Variants in FSHR observed in about 807,000 individuals in gnomAD.
FSHR encodes the protein follicle-stimulating hormone receptor.
FSHR carries 46 observed loss-of-function variants against 52.1 expected under a neutral mutation model. The ratio of observed to expected loss-of-function variants is 0.88; its 90% confidence interval spans 0.70 to 1.13. FSHR has a LOEUF of 1.13. FSHR is among the 50% of genes most tolerant of loss of function. The probability of loss-of-function intolerance (pLI) is 0.00; values close to 1 mark genes in which losing one functional copy is unlikely to be tolerated. For synonymous variants in FSHR, 399 were observed against 309.6 expected (o/e 1.29, Z -3.03); for missense variants, 964 against 834.6 (o/e 1.16, Z -1.91).
chr2:49,079,242 A>G (rs1670071883), intron 1 of FSHR, among the ~76,000 whole-genome samples: 1 of 152,204 alleles, frequency 6.6e-6, no homozygotes, highest in South Asian at 2.1e-4. Flanking sequence ...AACCCTAAAC[A>G]AACAGAAATA....
At chr2:49,121,028 A>AT (rs1236831178) in intron 1 of FSHR, among the ~76,000 whole-genome samples, 1 of 152,252 alleles carries the variant, frequency 6.6e-6, no homozygotes, top group Admixed American at 6.5e-5. Flanking sequence ...GCAAGTGATG[A>AT]TAAACCAAAT....
intron 2 of FSHR, among the ~76,000 whole-genome samples, chr2:49,050,119 A>C (rs1332125916): frequency 6.6e-6 from 1 of 152,146 alleles, no homozygotes; most frequent in Non-Finnish European, 1.5e-5. Context: ...ATTTATGGAG[A>C]ATAGGAAATG....
intron 2 of FSHR, among the ~76,000 whole-genome samples, chr2:49,029,968 A>T (rs1428650098): frequency 1.3e-5 from 2 of 152,180 alleles, no homozygotes; most frequent in Non-Finnish European, 2.9e-5. Context: ...TTCATTTTTA[A>T]AAAGCTAGGG....
In FSHR at chr2:49,096,323, T is replaced by G. The variant is rs528546583; in HGVS notation, c.153-28033A>C. On this transcript the variant is annotated intron_variant, in intron 1 of 9. Transcript: ENST00000406846. ...ATAAATGATATAACATAGATGAAACTTGAAGACATTATGCTAAGTGAAAAA... is the reference window on the plus strand; with the variant it reads ...ATAAATGATATAACATAGATGAAACGTGAAGACATTATGCTAAGTGAAAAA... Among the ~76,000 whole-genome samples the G allele has an allele frequency of 7.9e-5, 12 of 152,336 alleles. No homozygotes were observed. In the South Asian group the frequency reaches 1.4e-3, roughly 18 times the overall value.
intron 2 of FSHR, among the ~76,000 whole-genome samples, chr2:49,040,181 T>C (rs1313639213): frequency 6.6e-6 from 1 of 152,212 alleles, no homozygotes; most frequent in Non-Finnish European, 1.5e-5. Context: ...ACTTTGTTTT[T>C]CCTATTCAAT....
chr2:49,090,950 A>G (rs929170557), intron 1 of FSHR, among the ~76,000 whole-genome samples: 1 of 152,022 alleles, frequency 6.6e-6, no homozygotes, highest in African/African-American at 2.4e-5. Context: ...CCATGATTAA[A>G]AAAATTTTTT....
intron 4 of FSHR, among the ~76,000 whole-genome samples, chr2:49,013,300 T>C (rs1667344786): frequency 6.6e-6 from 1 of 151,676 alleles, no homozygotes; most frequent in African/African-American, 2.4e-5. Context: ...TATTTTGTTA[T>C]GGTAGCCCAA....
chr2:49,118,254 G>A (rs368313744), intron 1 of FSHR, among the ~76,000 whole-genome samples: 1 of 152,240 alleles, frequency 6.6e-6, no homozygotes, highest in Non-Finnish European at 1.5e-5. Flanking sequence ...AGCAAGGAGG[G>A]GGAGGGAGCA....
intron 9 of FSHR, among the ~76,000 whole-genome samples, chr2:48,965,856 A>G (rs1275001329): frequency 6.6e-6 from 1 of 152,252 alleles, no homozygotes; most frequent in Non-Finnish European, 1.5e-5. Context: ...AGTGGAAACC[A>G]AAGGACATCA....
At chr2:49,021,668 A>G (rs970893798) in intron 2 of FSHR, among the ~76,000 whole-genome samples, 3 of 151,564 alleles carry the variant, frequency 2.0e-5, no homozygotes, top group Admixed American at 2.0e-4. Flanking sequence ...TGGCTTGTTA[A>G]CCCAGTGGTG....
At chr2:49,065,017 C>T (rs72822003) in intron 2 of FSHR, among the ~76,000 whole-genome samples, 7,652 of 152,208 alleles carry the variant, frequency 0.05, 423 homozygotes, top group East Asian at 0.21. Context: ...CATTCCCCTG[C>T]AATTATTTTT....
At chr2:49,073,238 T>C (rs973121474) in intron 1 of FSHR, among the ~76,000 whole-genome samples, 13 of 151,984 alleles carry the variant, frequency 8.6e-5, no homozygotes, top group African/African-American at 2.9e-4. Context: ...GAAATAAAGG[T>C]CATCCAAATT....
At chr2:49,021,886 TAGAGAGAGAG>T (rs58926557) in intron 2 of FSHR, among the ~76,000 whole-genome samples, 17 of 25,120 alleles carry the variant, frequency 6.8e-4, no homozygotes, top group East Asian at 2.7e-3. Flanking sequence ...TATATATATA[TAGAGAGAGAG>T]AGAGAGAGAG....
chr2:48,973,269 CATGCACATGCAA>C (rs1393546235), intron 8 of FSHR, among the ~76,000 whole-genome samples: 26 of 151,394 alleles, frequency 1.7e-4, no homozygotes, highest in Admixed American at 9.9e-4. Context: ...CACACACACA[CATGCACATGCAA>C]ATGCACATGC....
rs910877039 is a variant in FSHR at position 49,019,264 on chromosome 2, T to A, written c.299+822A>T. Among the ~76,000 whole-genome samples the A allele has an allele frequency of 5.3e-5, 8 of 152,226 alleles. No individual in the cohort carries two copies. In the East Asian group the frequency reaches 1.5e-3, roughly 29 times the overall value. On this transcript the variant is annotated intron_variant, in intron 3 of 9. Coordinates refer to ENST00000406846, the MANE Select transcript of FSHR (RefSeq NM_000145.4). ...ATTTTATTTACCTAATATTTCCTAA[T>A]CTTATTTGACCATAAATCTTTTCCT...
At position 49,002,167 on chromosome 2, in the gene FSHR, A is replaced by C. The variant is rs569327432; in HGVS notation, c.375-11530T>G. Reference sequence around the variant, plus strand: ...TTTGTAAGACTAGTTAATTAATACAAAGTAAAAGAGCTTTCTGCATTATGA... The same window carrying C: ...TTTGTAAGACTAGTTAATTAATACACAGTAAAAGAGCTTTCTGCATTATGA... On this transcript the variant is annotated intron_variant, in intron 4 of 9. Transcript: ENST00000406846. 5.9e-5 allele frequency among the ~76,000 whole-genome samples: 9 copies of C among 152,284 alleles called. No homozygotes were observed. In the East Asian group the frequency reaches 1.5e-3, roughly 26 times the overall value.
chr2:48,979,649 A>C (rs1559091265), intron 8 of FSHR, among the ~76,000 whole-genome samples: 1 of 152,160 alleles, frequency 6.6e-6, no homozygotes, highest in East Asian at 1.9e-4. Flanking sequence ...ATTCAGTACA[A>C]CTTTGAAGGA....
chr2:49,083,111 C>T (rs1176786170), intron 1 of FSHR, among the ~76,000 whole-genome samples: 1 of 151,678 alleles, frequency 6.6e-6, no homozygotes, highest in Non-Finnish European at 1.5e-5. Context: ...TCGGGTTACC[C>T]TCAAAGGGAA....
intron 1 of FSHR, among the ~76,000 whole-genome samples, chr2:49,142,714 T>A (rs992918022): frequency 6.6e-6 from 1 of 152,084 alleles, no homozygotes; most frequent in East Asian, 1.9e-4. Flanking sequence ...ATGGAAAAGG[T>A]AGGGGACATT....
Sources: allele counts gnomAD v4.1 joint callset (sites outside exome capture counted in the v4.1 genomes callset), GRCh38; gene constraint gnomAD v4.1.1; transcripts MANE v1.5; gene names NCBI Gene and HGNC (gene_info 2026-07-23, HGNC 2026-07-21).